FARP2: variants seen among roughly 807,000 people sequenced by gnomAD.
The protein encoded by FARP2 is FERM, ARH/RhoGEF and pleckstrin domain protein 2.
Under a neutral mutation model 130.5 loss-of-function variants are expected in FARP2, and 111 were observed. That is an observed-to-expected ratio of 0.85 (90% CI 0.73 to 1.00). The LOEUF (loss-of-function observed/expected upper bound fraction) is 1.00, where lower values mean the gene tolerates loss of function less well. FARP2 is among the 50% of genes least tolerant of loss of function. The pLI is 0.00. For missense variants in FARP2, 1,385 were observed against 1,346.3 expected (o/e 1.03, Z -0.45); for synonymous variants, 504 against 516.9 (o/e 0.98, Z 0.34).
chr2:241,421,087 C>T (rs1224981409), intron 8 of FARP2, among the ~76,000 whole-genome samples: 1 of 152,088 alleles, frequency 6.6e-6, no homozygotes, highest in African/African-American at 2.4e-5. Context: ...CAAAGGAACC[C>T]CCATCCCCAG....
intron 2 of FARP2, among the ~76,000 whole-genome samples, chr2:241,383,727 T>A: frequency 6.6e-6 from 1 of 151,940 alleles, no homozygotes; most frequent in South Asian, 2.1e-4. Context: ...GCCTGCAGAA[T>A]TTGCTGGTGC....
At chr2:241,392,515 ACATAAGC>A (rs1362135004) in intron 2 of FARP2, among the ~76,000 whole-genome samples, 1 of 152,228 alleles carries the variant, frequency 6.6e-6, no homozygotes, top group Non-Finnish European at 1.5e-5. Flanking sequence ...ATCCATTGAT[ACATAAGC>A]TCAGTTTTTG....
intron 21 of FARP2, chr2:241,488,812 T>C (rs1043188665): frequency 6.6e-6 from 1 of 152,230 alleles, no homozygotes; most frequent in African/African-American, 2.4e-5. Context: ...GCCTGTGTCT[T>C]TGCACTCGAG....
rs137894945 is a variant in FARP2, at chr2:241,381,724, G to C, written c.183+8434G>C. Among the ~76,000 whole-genome samples the C allele has an allele frequency of 3.5e-3, 529 of 152,322 alleles. 3 individuals are homozygous for C. The highest frequency in any genetic ancestry group is 0.014 in the Middle Eastern group (4 of 294). On this transcript the variant is annotated intron_variant, in intron 2 of 26. Transcript: ENST00000264042. ...TTACAGTGATCTCTGTTCTTTGAGA[G>C]AGTGCATTCTACTTTTTTACCTTAC...
At chr2:241,409,574 G>A (rs1230717803) in intron 5 of FARP2, among the ~76,000 whole-genome samples, 4 of 152,070 alleles carry the variant, frequency 2.6e-5, no homozygotes, top group Admixed American at 2.6e-4. Context: ...ACAAAGATAA[G>A]TAAAAAGTAA....
intron 19 of FARP2, chr2:241,478,849 T>C: frequency 2.6e-6 from 1 of 387,270 alleles, no homozygotes; most frequent in Non-Finnish European, 5.0e-6. Context: ...TGGTCAGCAA[T>C]GGCTCTTCTT....
At chr2:241,359,882 T>C (rs1471517093) in intron 1 of FARP2, among the ~76,000 whole-genome samples, 1 of 152,196 alleles carries the variant, frequency 6.6e-6, no homozygotes, top group Non-Finnish European at 1.5e-5. Context: ...TTAAATGAGA[T>C]GACATAAGCG....
At chr2:241,414,886 G>A (rs1217894927) in intron 7 of FARP2, among the ~76,000 whole-genome samples, 1 of 152,204 alleles carries the variant, frequency 6.6e-6, no homozygotes, top group Non-Finnish European at 1.5e-5. Context: ...GGGAAGGGAG[G>A]GAGAAGGAAG....
chr2:241,462,537 C>G lies in FARP2; in HGVS notation c.1602C>G (p.Asp534Glu). 6.2e-7 allele frequency: 1 copy of G among 1,613,602 alleles called. No homozygotes were observed. The highest frequency in any genetic ancestry group is 1.6e-4 in the Middle Eastern group (1 of 6,062). ...EEPRHKRVPADEAYFIVKEIL... is the reference protein window; with the variant it reads ...EEPRHKRVPAEEAYFIVKEIL... ...GCTTCTTTCAGCGCGTGCCTGCAGA[C>G]GAGGCCTACTTCATAGTCAAAGAGA... The change falls in exon 15 of 27, where the codon GAC (aspartate) becomes GAG (glutamate). Residue 534 changes from aspartate to glutamate, a missense_variant. By Grantham distance (45) the Asp-to-Glu change is conservative. Coordinates refer to ENST00000264042, the MANE Select transcript of FARP2 (RefSeq NM_014808.4).
At chr2:241,418,798 T>C (rs1242828601) in intron 8 of FARP2, among the ~76,000 whole-genome samples, 1 of 152,212 alleles carries the variant, frequency 6.6e-6, no homozygotes, top group African/African-American at 2.4e-5. Context: ...TTCTCCTTAT[T>C]CAGGCCCTTT....
At chr2:241,420,591 G>A (rs1256965549) in intron 8 of FARP2, among the ~76,000 whole-genome samples, 1 of 152,162 alleles carries the variant, frequency 6.6e-6, no homozygotes, top group Admixed American at 6.5e-5. Flanking sequence ...AGAAACAAAT[G>A]GAGAACATAA....
intron 2 of FARP2, among the ~76,000 whole-genome samples, chr2:241,401,847 A>G (rs1193153178): frequency 6.6e-6 from 1 of 151,774 alleles, no homozygotes; most frequent in Admixed American, 6.6e-5. Flanking sequence ...CAATGGCGCA[A>G]TCTTGGCTCA....
At chr2:241,412,409 A>C (rs547752328) in intron 6 of FARP2, among the ~76,000 whole-genome samples, 12 of 152,334 alleles carry the variant, frequency 7.9e-5, no homozygotes, top group South Asian at 2.1e-4. Flanking sequence ...TAGGAAGTCC[A>C]TACTGAAGTA....
At chr2:241,472,973 CT>C (rs2064358936) in intron 18 of FARP2, among the ~76,000 whole-genome samples, 2 of 150,520 alleles carry the variant, frequency 1.3e-5, no homozygotes, top group African/African-American at 4.9e-5. Context: ...TGAAGGGATC[CT>C]TTTCTGTGGG....
intron 1 of FARP2, among the ~76,000 whole-genome samples, chr2:241,366,138 T>TATATATATATAC (rs1491421503): frequency 2.2e-5 from 3 of 138,444 alleles, no homozygotes; most frequent in East Asian, 4.2e-4. Context: ...TATATATATA[T>TATATATATATAC]ACACACACAC....
chr2:241,379,449 C>A (rs74426077), intron 2 of FARP2, among the ~76,000 whole-genome samples: 3 of 152,170 alleles, frequency 2.0e-5, no homozygotes, highest in Non-Finnish European at 4.4e-5. Context: ...TCACGTTCCC[C>A]TTTTCTTTAA....
intron 21 of FARP2, among the ~76,000 whole-genome samples, chr2:241,484,804 G>T (rs1178012636): frequency 6.6e-6 from 1 of 152,182 alleles, no homozygotes; most frequent in East Asian, 1.9e-4. Flanking sequence ...TGCTTTTTGT[G>T]TTCAATAGAA....
rs188497438 is a variant in FARP2, at chr2:241,469,309, A to G, written c.2131+932A>G. 4.8e-3 allele frequency among the ~76,000 whole-genome samples: 723 copies of G among 151,418 alleles called. 4 individuals are homozygous for G. Among genetic ancestry groups the G allele is most frequent in the African/African-American group, 0.016 (673 of 41,272 alleles). ...ACCGTGTTGGCCAGGCTAGTCTCGA[A>G]CTCCTGACCTCGTGATCCGCCTGCC... On this transcript the variant is annotated intron_variant, in intron 18 of 26. Transcript: ENST00000264042.
chr2:241,382,654 A>T (rs900679632), intron 2 of FARP2, among the ~76,000 whole-genome samples: 1 of 152,190 alleles, frequency 6.6e-6, no homozygotes, highest in African/African-American at 2.4e-5. Context: ...GTTCTTCATC[A>T]AAGTGTATGT....
Sources: allele counts gnomAD v4.1 joint callset (sites outside exome capture counted in the v4.1 genomes callset), GRCh38; gene constraint gnomAD v4.1.1; transcripts MANE v1.5; gene names NCBI Gene and HGNC (gene_info 2026-07-23, HGNC 2026-07-21).